DESI2: variants seen among roughly 807,000 people sequenced by gnomAD.
The protein encoded by DESI2 is deubiquitinase DESI2.
In DESI2, 10 loss-of-function variants were observed where a neutral mutation model predicts 24.1. The ratio of observed to expected loss-of-function variants is 0.41; its 90% CI spans 0.26 to 0.70. The LOEUF is 0.70. Ranked by LOEUF, DESI2 falls within the 30% of genes least tolerant of loss-of-function variation. DESI2 has a pLI of 0.29. For synonymous variants in DESI2, 71 were observed against 87.7 expected, an observed-to-expected ratio of 0.81 and a Z score of 1.06; for missense variants, 122 against 234.9, an observed-to-expected ratio of 0.52 and a Z score of 3.14.
chr1:244,677,012 A>G (rs1355315283), intron 1 of DESI2, among the ~76,000 whole-genome samples: 2 of 151,116 alleles, frequency 1.3e-5, no homozygotes, highest in Non-Finnish European at 2.9e-5. Flanking sequence ...CTGTTTTCAT[A>G]ATAGATATTA....
chr1:244,703,974 G>C (rs965364109), intron 4 of DESI2, among the ~76,000 whole-genome samples: 1 of 152,078 alleles, frequency 6.6e-6, no homozygotes, highest in Non-Finnish European at 1.5e-5. Context: ...ATTTTTAAGT[G>C]TCTACCTCTC....
chr1:244,692,267 C>G (rs557784074), intron 4 of DESI2, among the ~76,000 whole-genome samples: 2 of 152,004 alleles, frequency 1.3e-5, no homozygotes, highest in South Asian at 4.2e-4. Context: ...AATAATGGTC[C>G]CTTCTTACTC....
chr1:244,688,495 A>G (rs906242851), intron 2 of DESI2, among the ~76,000 whole-genome samples: 6 of 152,184 alleles, frequency 3.9e-5, no homozygotes, highest in African/African-American at 1.4e-4. Context: ...TGATTTAAGC[A>G]TGGTTTGGAA....
chr1:244,665,726 G>A lies in DESI2; in HGVS notation c.42+12371G>A, dbSNP rs146524197. 9.9e-5 allele frequency among the ~76,000 whole-genome samples: 15 copies of A among 152,270 alleles called. No individual in the cohort carries two copies. The East Asian group carries it at 2.3e-3, about 23-fold the overall frequency. ...TAAAAGAAAAACTAAGTTCCCCAAGGAAGAACGAATTTTGGCTCCAGACAA... is the reference window on the plus strand; with the variant it reads ...TAAAAGAAAAACTAAGTTCCCCAAGAAAGAACGAATTTTGGCTCCAGACAA... On this transcript the variant is annotated intron_variant, in intron 1 of 4. Transcript: ENST00000302550.
intron 1 of DESI2, among the ~76,000 whole-genome samples, chr1:244,663,872 G>A (rs1232631790): frequency 1.3e-5 from 2 of 151,978 alleles, no homozygotes; most frequent in Non-Finnish European, 2.9e-5. Flanking sequence ...CAAAAAATTA[G>A]CCAGGCGTGG....
At chr1:244,668,569 T>C (rs1209626692) in intron 1 of DESI2, among the ~76,000 whole-genome samples, 1 of 152,216 alleles carries the variant, frequency 6.6e-6, no homozygotes, top group African/African-American at 2.4e-5. Flanking sequence ...CTTATACTTA[T>C]CCAGATTATT....
intron 1 of DESI2, among the ~76,000 whole-genome samples, chr1:244,658,585 G>A (rs1215394974): frequency 6.6e-6 from 1 of 152,212 alleles, no homozygotes; most frequent in Non-Finnish European, 1.5e-5. Flanking sequence ...GTCTAGAACA[G>A]GGCCTGTCAC....
At chr1:244,692,917 CAT>C (rs1336659234) in intron 4 of DESI2, among the ~76,000 whole-genome samples, 6 of 152,186 alleles carry the variant, frequency 3.9e-5, no homozygotes, top group Admixed American at 2.0e-4. Flanking sequence ...CCAGATGACT[CAT>C]ATGAACGTGA....
At chr1:244,657,870 A>G (rs1456909888) in intron 1 of DESI2, among the ~76,000 whole-genome samples, 1 of 152,034 alleles carries the variant, frequency 6.6e-6, no homozygotes, top group African/African-American at 2.4e-5. Context: ...CCAGAGCCCC[A>G]CTCCTTCCCC....
chr1:244,698,741 C>G (rs1450063093), intron 4 of DESI2, among the ~76,000 whole-genome samples: 1 of 152,102 alleles, frequency 6.6e-6, no homozygotes, highest in Non-Finnish European at 1.5e-5. Flanking sequence ...TTCAGGATAC[C>G]CCTCTGTGGG....
chr1:244,684,835 A>G (rs1319924653), intron 1 of DESI2, among the ~76,000 whole-genome samples: 5 of 152,208 alleles, frequency 3.3e-5, no homozygotes, highest in African/African-American at 4.8e-5. Context: ...TGATTTTCAC[A>G]AGTATACTCA....
chr1:244,683,565 C>T (rs1558660638), intron 1 of DESI2, among the ~76,000 whole-genome samples: 1 of 152,190 alleles, frequency 6.6e-6, no homozygotes, highest in African/African-American at 2.4e-5. Context: ...CCCACCTCAG[C>T]CTCCCAAAGT....
At position 244,674,049 on chromosome 1, in the gene DESI2, C is replaced by T. The variant is rs1031315232; in HGVS notation, c.43-12548C>T. On this transcript the variant is annotated intron_variant, in intron 1 of 4. Coordinates refer to ENST00000302550, the MANE Select transcript of DESI2 (RefSeq NM_016076.5). ...TTGCTCTGTTGCCCAGGCTGGAGTA[C>T]AGTGGTGCGATCTCGGCTCATTACA... 1.3e-4 allele frequency among the ~76,000 whole-genome samples: 17 copies of T among 129,184 alleles called. No homozygotes were observed. In the Admixed American group the frequency reaches 1.6e-3, roughly 12 times the overall value. The allele number at this position is 129,184 out of a possible 152,430, so 84.7% of individuals were successfully genotyped here.
rs191068522 is a variant in DESI2 at position 244,706,635 on chromosome 1, A to T, written c.*846A>T. On this transcript the variant is annotated 3_prime_UTR_variant, in exon 5 of 5. Transcript: ENST00000302550. ...TATTTCCTCCTTGCACAGGATTTTG[A>T]TGGTGTGGGAATATCCTAAGTGGTA... 4 of 152,626 alleles carry T rather than the reference A, an allele frequency of 2.6e-5. No homozygotes were observed. The highest frequency in any genetic ancestry group is 4.4e-5 in the Non-Finnish European group (3 of 68,014). 9.5% of individuals were successfully genotyped at this position (152,626 alleles called of 1,614,324 possible).
At chr1:244,691,813 T>G in intron 3 of DESI2, 66 bp from the exon 4 acceptor site, 1 of 1,262,014 alleles carries the variant, frequency 7.9e-7, no homozygotes, top group Non-Finnish European at 1.1e-6. Context: ...AACATGCTTT[T>G]TATAAATATT....
At chr1:244,679,865 T>G (rs1319943664) in intron 1 of DESI2, among the ~76,000 whole-genome samples, 1 of 39,404 alleles carries the variant, frequency 2.5e-5, no homozygotes, top group African/African-American at 1.0e-4. Context: ...AGAGACTCTA[T>G]CTCAAAAAAA....
chr1:244,669,921 C>A (rs1182725419), intron 1 of DESI2, among the ~76,000 whole-genome samples: 2 of 152,014 alleles, frequency 1.3e-5, no homozygotes, highest in African/African-American at 4.8e-5. Flanking sequence ...CTTGAAGAAG[C>A]CTTTCACTGA....
chr1:244,703,896 G>C (rs554588504), intron 4 of DESI2, among the ~76,000 whole-genome samples: 5 of 152,066 alleles, frequency 3.3e-5, no homozygotes, highest in Admixed American at 6.6e-5. Context: ...CTGACCTCAT[G>C]ATCTGCCCGC....
chr1:244,705,657 G>A lies in DESI2; in HGVS notation c.453G>A (p.Thr151=), dbSNP rs760489497. 8.1e-6 allele frequency: 13 copies of A among 1,613,934 alleles called. No individual in the cohort carries two copies. The highest frequency in any genetic ancestry group is 1.7e-5 in the Admixed American group (1 of 59,994). Residue 151 remains threonine (T), a synonymous_variant, in exon 5 of 5, where the codon ACG becomes ACA. Coordinates refer to ENST00000302550, the MANE Select transcript of DESI2 (RefSeq NM_016076.5). Reference sequence around the variant, plus strand: ...GTTGCCTCCCGAAGGAGTGGCTCACGCCCGCAGCCCTGCAGTCTAGTGTCA... The same window carrying A: ...GTTGCCTCCCGAAGGAGTGGCTCACACCCGCAGCCCTGCAGTCTAGTGTCA... ...LQSCLPKEWL[T]PAALQSSVSQ...
Sources: allele counts gnomAD v4.1 joint callset (sites outside exome capture counted in the v4.1 genomes callset), GRCh38; gene constraint gnomAD v4.1.1; transcripts MANE v1.5; gene names NCBI Gene and HGNC (gene_info 2026-07-23, HGNC 2026-07-21).